Variants in PTPRK observed in about 807,000 individuals in gnomAD.
PTPRK encodes protein tyrosine phosphatase receptor type K, also known as receptor-type tyrosine-protein phosphatase kappa.
Under a neutral mutation model 178.0 loss-of-function variants are expected in PTPRK, and 75 were observed. That is an observed-to-expected ratio of 0.42 (90% confidence interval 0.35 to 0.51). The LOEUF (loss-of-function observed/expected upper bound fraction) is 0.51, where lower values mean the gene tolerates loss of function less well. Among genes scored for constraint, PTPRK ranks in the 20% least tolerant of loss-of-function variants. The probability of loss-of-function intolerance (pLI) is 0.02; values close to 1 mark genes in which losing one functional copy is unlikely to be tolerated. For synonymous variants in PTPRK, 637 were observed against 620.6 expected, an observed-to-expected ratio of 1.03 and a Z score of -0.39; for missense variants, 1,441 against 1,797.8, an observed-to-expected ratio of 0.80 and a Z score of 3.59.
intron 2 of PTPRK, among the ~76,000 whole-genome samples, chr6:128,330,455 A>C (rs1830119188): frequency 6.6e-6 from 1 of 152,098 alleles, no homozygotes; most frequent in African/African-American, 2.4e-5. Flanking sequence ...TCAAACTAGG[A>C]ATCAGTTTGA....
chr6:128,154,279 T>C (rs1271173395), intron 7 of PTPRK, among the ~76,000 whole-genome samples: 1 of 151,682 alleles, frequency 6.6e-6, no homozygotes, highest in Non-Finnish European at 1.5e-5. Flanking sequence ...GCATAACAAA[T>C]ATGAATCTCT....
At chr6:128,341,201 A>T (rs558145447) in intron 2 of PTPRK, among the ~76,000 whole-genome samples, 1 of 152,182 alleles carries the variant, frequency 6.6e-6, no homozygotes, top group African/African-American at 2.4e-5. Flanking sequence ...CAGATGTAAC[A>T]TAAACACAAA....
At chr6:127,970,858 ATTGT>A (rs1773820245) in intron 29 of PTPRK, among the ~76,000 whole-genome samples, 1 of 152,046 alleles carries the variant, frequency 6.6e-6, no homozygotes, top group South Asian at 2.1e-4. Flanking sequence ...AAATATATGT[ATTGT>A]TTGACTATTA....
intron 1 of PTPRK, among the ~76,000 whole-genome samples, chr6:128,420,289 T>C (rs1843335462): frequency 6.6e-6 from 1 of 152,192 alleles, no homozygotes; most frequent in African/African-American, 2.4e-5. Flanking sequence ...TGATCCTTTT[T>C]TCTATGCATA....
At chr6:128,256,258 A>G (rs948534458) in intron 3 of PTPRK, among the ~76,000 whole-genome samples, 3 of 152,142 alleles carry the variant, frequency 2.0e-5, no homozygotes, top group African/African-American at 7.2e-5. Flanking sequence ...AAACAGCAAG[A>G]CTTCAGAGAA....
chr6:128,419,447 C>T (rs1843209863), intron 1 of PTPRK, among the ~76,000 whole-genome samples: 1 of 48,490 alleles, frequency 2.1e-5, no homozygotes, highest in African/African-American at 9.0e-5. Flanking sequence ...CCCGTCTCTA[C>T]TAAAAATACA....
intron 3 of PTPRK, among the ~76,000 whole-genome samples, chr6:128,254,200 G>C (rs1246196797): frequency 1.3e-5 from 2 of 152,094 alleles, no homozygotes; most frequent in Admixed American, 6.6e-5. Context: ...TGAATTTAGG[G>C]ATAGAACGCC....
intron 2 of PTPRK, among the ~76,000 whole-genome samples, chr6:128,347,853 A>C (rs1377661592): frequency 6.6e-6 from 1 of 152,116 alleles, no homozygotes; most frequent in African/African-American, 2.4e-5. Flanking sequence ...GTTGTAATTA[A>C]AATTTAAAAG....
At chr6:128,096,457 A>C (rs571627393) in intron 7 of PTPRK, among the ~76,000 whole-genome samples, 5 of 152,130 alleles carry the variant, frequency 3.3e-5, no homozygotes, top group Non-Finnish European at 1.5e-5. Flanking sequence ...TTGTAGCGAT[A>C]ATTTCTAGTT....
intron 7 of PTPRK, among the ~76,000 whole-genome samples, chr6:128,103,667 C>CT (rs545863361): frequency 1.3e-5 from 2 of 152,292 alleles, no homozygotes; most frequent in East Asian, 1.9e-4. Context: ...TCAGACAATT[C>CT]TTTTTTTCCC....
intron 1 of PTPRK, among the ~76,000 whole-genome samples, chr6:128,442,284 A>G (rs1891150): frequency 0.048 from 7,268 of 152,152 alleles, 272 homozygotes; most frequent in African/African-American, 0.11. Context: ...TTTTCAATTC[A>G]TTGCCTACCT....
chr6:128,456,602 A>G (rs930109239), intron 1 of PTPRK, among the ~76,000 whole-genome samples: 1 of 152,160 alleles, frequency 6.6e-6, no homozygotes, highest in Admixed American at 6.6e-5. Context: ...TAATTACCAT[A>G]TTCTAAACAA....
At chr6:128,489,666 A>G (rs1328511120) in intron 1 of PTPRK, among the ~76,000 whole-genome samples, 1 of 152,226 alleles carries the variant, frequency 6.6e-6, no homozygotes, top group Non-Finnish European at 1.5e-5. Context: ...GGCCATGTAC[A>G]CATTGTCTGT....
At chr6:128,113,396 T>C (rs1185040774) in intron 7 of PTPRK, among the ~76,000 whole-genome samples, 1 of 149,596 alleles carries the variant, frequency 6.7e-6, no homozygotes, top group Non-Finnish European at 1.5e-5. Context: ...ATTATATATA[T>C]AAAATAACAT....
chr6:128,005,980 C>T, intron 14 of PTPRK: 1 of 1,418,420 alleles, frequency 7.1e-7, no homozygotes, highest in Non-Finnish European at 9.6e-7. Flanking sequence ...AGGGATACTG[C>T]ATCCTTAACA....
intron 1 of PTPRK, chr6:128,409,396 T>G: frequency 2.3e-6 from 1 of 428,582 alleles, no homozygotes; most frequent in Non-Finnish European, 4.6e-6. Flanking sequence ...TCATAAGTAT[T>G]TCTGATGCTG....
chr6:128,232,237 G>A (rs934834340), intron 5 of PTPRK: 1 of 152,184 alleles, frequency 6.6e-6, no homozygotes, highest in South Asian at 2.1e-4. Context: ...CAAGTACTAT[G>A]TACACTTCAA....
chr6:128,353,055 CTATT>C (rs1019524919), intron 2 of PTPRK, among the ~76,000 whole-genome samples: 11 of 152,216 alleles, frequency 7.2e-5, no homozygotes, highest in South Asian at 4.1e-4. Flanking sequence ...TTAAAAAAAA[CTATT>C]TATTTAGCAA....
chr6:128,108,779 T>C (rs1370114065), intron 7 of PTPRK, among the ~76,000 whole-genome samples: 1 of 152,122 alleles, frequency 6.6e-6, no homozygotes, highest in Non-Finnish European at 1.5e-5. Context: ...GCTGGGAATC[T>C]GAGATTGGGG....
Sources: gnomAD v4.1 joint callset for allele counts (sites outside exome capture counted in the v4.1 genomes callset) on GRCh38, gnomAD v4.1.1 for gene constraint, MANE v1.5 for transcripts, NCBI Gene and HGNC (gene_info 2026-07-23, HGNC 2026-07-21) for gene names.